RLN2: variants seen among roughly 807,000 people sequenced by gnomAD.
RLN2 encodes the protein prorelaxin H2.
Under a neutral mutation model 7.3 loss-of-function variants are expected in RLN2, and 10 were observed. The ratio of observed to expected loss-of-function variants is 1.36; its 90% CI spans 0.84 to 2.31. The LOEUF is 2.31. Ranked by LOEUF, RLN2 falls within the 30% of genes most tolerant of loss-of-function variation. The pLI is 0.00. For missense variants in RLN2, 298 were observed against 217.6 expected (o/e 1.37, Z -2.32); for synonymous variants, 103 against 82.3 (o/e 1.25, Z -1.36).
upstream of RLN2, among the ~76,000 whole-genome samples, chr9:5,306,477 G>A (rs572045204): frequency 5.7e-4 from 86 of 152,128 alleles, no homozygotes; most frequent in African/African-American, 1.8e-3. Context: ...AGAAGAAACA[G>A]ATTGAGAGTT....
chr9:5,328,693 T>C, the RLN2 span, among the ~76,000 whole-genome samples: 2,829 of 151,996 alleles, frequency 0.019, 130 homozygotes, highest in African/African-American at 0.065. Flanking sequence ...GGGAAGCCCA[T>C]CAGACTAACA....
chr9:5,325,460 A>T, the RLN2 span, among the ~76,000 whole-genome samples: 1 of 152,106 alleles, frequency 6.6e-6, no homozygotes, highest in Non-Finnish European at 1.5e-5. Flanking sequence ...TACACAATAG[A>T]ACAAACAAGA....
At chr9:5,335,608 T>A in the RLN2 span, 8 of 1,498,256 alleles carry the variant, frequency 5.3e-6, no homozygotes, top group Non-Finnish European at 7.3e-6. Context: ...CTGTTAAGTT[T>A]AAAAAAAAAG....
At chr9:5,315,629 G>C in the RLN2 span, among the ~76,000 whole-genome samples, 1 of 151,904 alleles carries the variant, frequency 6.6e-6, no homozygotes. Flanking sequence ...TCTCAAATAG[G>C]TCCTCTCCAA....
the RLN2 span, among the ~76,000 whole-genome samples, chr9:5,312,271 C>T: frequency 2.0e-5 from 3 of 151,962 alleles, no homozygotes; most frequent in Non-Finnish European, 4.4e-5. Context: ...CATCTTTCAG[C>T]GTAGACTTAA....
intron 1 of RLN2, among the ~76,000 whole-genome samples, chr9:5,301,174 T>G (rs1816119330): frequency 6.6e-6 from 1 of 152,238 alleles, no homozygotes; most frequent in Non-Finnish European, 1.5e-5. Context: ...GTTTTCTGTT[T>G]GATATTTGTT....
chr9:5,300,687 G>T (rs909370503), intron 1 of RLN2, among the ~76,000 whole-genome samples: 28 of 152,124 alleles, frequency 1.8e-4, no homozygotes, highest in African/African-American at 5.8e-4. Flanking sequence ...CTCTCTTCAT[G>T]ATCCCCTCAG....
the RLN2 span, among the ~76,000 whole-genome samples, chr9:5,331,842 T>C: frequency 6.6e-6 from 1 of 151,964 alleles, no homozygotes; most frequent in Non-Finnish European, 1.5e-5. Flanking sequence ...AATAAATAAA[T>C]AAACTGGTGC....
chr9:5,330,842 G>C, the RLN2 span, among the ~76,000 whole-genome samples: 4 of 147,598 alleles, frequency 2.7e-5, no homozygotes, highest in African/African-American at 1.0e-4. Context: ...AAAATAGATA[G>C]ACCACTAGCA....
chr9:5,321,660 A>G, the RLN2 span, among the ~76,000 whole-genome samples: 1 of 151,878 alleles, frequency 6.6e-6, no homozygotes, highest in South Asian at 2.1e-4. Flanking sequence ...AGAGGAAGAA[A>G]AAGGAGGGAA....
chr9:5,311,288 G>A, the RLN2 span, among the ~76,000 whole-genome samples: 3 of 151,966 alleles, frequency 2.0e-5, no homozygotes, highest in African/African-American at 4.8e-5. Flanking sequence ...GTATGTGTAT[G>A]TGTGCATGTA....
the RLN2 span, chr9:5,335,249 T>C: frequency 1.3e-6 from 2 of 1,567,422 alleles, no homozygotes; most frequent in Non-Finnish European, 8.6e-7. Flanking sequence ...ATTAGCTTCA[T>C]CTCAGCAATA....
upstream of RLN2, among the ~76,000 whole-genome samples, chr9:5,305,265 C>A (rs1366021279): frequency 1.3e-5 from 2 of 151,610 alleles, no homozygotes; most frequent in Non-Finnish European, 2.9e-5. Context: ...ATTGCACTTT[C>A]CTTCCACTCT....
At chr9:5,316,831 A>C in the RLN2 span, among the ~76,000 whole-genome samples, 1 of 152,046 alleles carries the variant, frequency 6.6e-6, no homozygotes, top group East Asian at 1.9e-4. Flanking sequence ...GCTGGGTCAA[A>C]TGGTATTTCT....
chr9:5,321,783 T>C, the RLN2 span, among the ~76,000 whole-genome samples: 1 of 152,008 alleles, frequency 6.6e-6, no homozygotes, highest in Non-Finnish European at 1.5e-5. Flanking sequence ...TGCAAGCAGC[T>C]GTCCCAGGTG....
chr9:5,306,848 G>A (rs1307780222), upstream of RLN2, among the ~76,000 whole-genome samples: 1 of 152,078 alleles, frequency 6.6e-6, no homozygotes, highest in Non-Finnish European at 1.5e-5. Context: ...ATTCGAGGCT[G>A]TAAGTGCTAG....
At chr9:5,332,442 G>C in the RLN2 span, among the ~76,000 whole-genome samples, 2 of 151,972 alleles carry the variant, frequency 1.3e-5, no homozygotes, top group South Asian at 2.1e-4. Context: ...TGGATAACTG[G>C]TGCTGGAAGC....
chr9:5,328,697 A>G, the RLN2 span, among the ~76,000 whole-genome samples: 1 of 152,186 alleles, frequency 6.6e-6, no homozygotes, highest in Non-Finnish European at 1.5e-5. Flanking sequence ...AGCCCATCAG[A>G]CTAACAGCGG....
At chr9:5,319,636 TG>T in the RLN2 span, among the ~76,000 whole-genome samples, 1 of 151,980 alleles carries the variant, frequency 6.6e-6, no homozygotes, top group East Asian at 1.9e-4. Context: ...ATCTCCTCTA[TG>T]GGATCATTAG....
Sources: gnomAD v4.1 joint callset for allele counts (sites outside exome capture counted in the v4.1 genomes callset) on GRCh38, gnomAD v4.1.1 for gene constraint, MANE v1.5 for transcripts, NCBI Gene and HGNC (gene_info 2026-07-23, HGNC 2026-07-21) for gene names.